The following IL23R variants were observed in gnomAD, a reference collection of about 807,000 sequenced individuals.
IL23R encodes the protein interleukin-23 receptor.
IL23R carries 34 observed loss-of-function variants against 56.9 expected under a neutral mutation model. The ratio of observed to expected loss-of-function variants is 0.60; its 90% CI spans 0.45 to 0.80. The LOEUF (loss-of-function observed/expected upper bound fraction) is 0.80. Among genes scored for constraint, IL23R ranks in the 30% least tolerant of loss-of-function variants. IL23R has a pLI of 0.00. For missense variants in IL23R, 635 were observed against 730.0 expected, an observed-to-expected ratio of 0.87 and a Z score of 1.50; for synonymous variants, 230 against 249.2, an observed-to-expected ratio of 0.92 and a Z score of 0.73.
At chr1:67,139,714 A>G (rs1415670934) in intron 1 of IL23R, among the ~76,000 whole-genome samples, 2 of 152,098 alleles carry the variant, frequency 1.3e-5, no homozygotes, top group Non-Finnish European at 2.9e-5. Flanking sequence ...CTTAATTTAT[A>G]TTTTTTAAAA....
intron 7 of IL23R, among the ~76,000 whole-genome samples, chr1:67,228,019 TTCCTTTCTTTCTTTTCTTTCTTTC>T (rs1650793031): frequency 1.3e-5 from 1 of 74,816 alleles, no homozygotes; most frequent in Non-Finnish European, 2.9e-5. Flanking sequence ...TCTTTCTTTC[TTCCTTTCTTTCTTTTCTTTCTTTC>T]TCTTTCTTTC....
Position 67,169,571 on chromosome 1 carries a change from C to T in IL23R, c.300C>T (p.Tyr100=), listed in dbSNP as rs1646916407. The T allele has an allele frequency of 1.2e-6, 2 of 1,614,002 alleles. No individual in the cohort carries two copies. Among genetic ancestry groups the T allele is most frequent in the Non-Finnish European group, 1.7e-6 (2 of 1,179,860 alleles). The part of the protein sequence containing the change: ...KNFLEPHASM[Y]CTAECPKHFQ... ...TTCTGGAACCACATGCTTCTATGTACTGCACTGCTGAATGTCCCAAACATT... is the reference window on the plus strand; with the variant it reads ...TTCTGGAACCACATGCTTCTATGTATTGCACTGCTGAATGTCCCAAACATT... Residue 100 remains tyrosine, a synonymous_variant, in exon 3 of 11, where the codon TAC becomes TAT. Transcript: ENST00000347310.
In IL23R at chr1:67,240,189, A is replaced by T; in HGVS notation, c.1056A>T (p.Gly352=). Residue 352 remains glycine (G), a synonymous_variant, in exon 9 of 11, where the codon GGA becomes GGT. Transcript: ENST00000347310. ...STGHLTSDNR[G]DIGLLLGMIV... is the part of the protein sequence containing the mutation. The stretch of plus-strand genomic sequence containing the variant: ...CTTTCCTTTCATTAGACAACAGAGG[A>T]GACATTGGACTTTTATTGGGAATGA... 2 of 1,604,556 alleles carry T rather than the reference A, an allele frequency of 1.2e-6. No individual in the cohort carries two copies. Among genetic ancestry groups the T allele is most frequent in the Non-Finnish European group, 1.7e-6 (2 of 1,171,460 alleles).
chr1:67,260,782 A>G (rs1344103749), downstream of IL23R, among the ~76,000 whole-genome samples: 2 of 152,184 alleles, frequency 1.3e-5, no homozygotes, highest in African/African-American at 4.8e-5. Flanking sequence ...CTATAGTCCT[A>G]GCTACTCAGG....
chr1:67,210,438 CT>C (rs989197756), intron 6 of IL23R, among the ~76,000 whole-genome samples: 5 of 150,424 alleles, frequency 3.3e-5, no homozygotes, highest in Admixed American at 1.3e-4. Context: ...AGTTTCTGGC[CT>C]TTTTTTTTCC....
chr1:67,202,492 C>T (rs1648709698), intron 5 of IL23R, among the ~76,000 whole-genome samples: 1 of 152,228 alleles, frequency 6.6e-6, no homozygotes. Flanking sequence ...CCCACCTCAG[C>T]CTCCCAAAGT....
At chr1:67,150,988 T>C (rs1039291137) in intron 1 of IL23R, among the ~76,000 whole-genome samples, 5 of 152,212 alleles carry the variant, frequency 3.3e-5, no homozygotes, top group Non-Finnish European at 5.9e-5. Flanking sequence ...AGATGCTGGG[T>C]CAAATGGTAT....
rs551183354 is a variant in IL23R, at chr1:67,152,871, C to T, written c.-634+13710C>T. On this transcript the variant is annotated intron_variant, in intron 1 of 10. Transcript: ENST00000637002. ...TTGCCAGTATTTAATTGAGGATTTT[C>T]GCATTGATGTTCATTAGGGATATTG... Among the ~76,000 whole-genome samples, 6 of 152,176 alleles carry T rather than the reference C, an allele frequency of 3.9e-5. No homozygotes were observed. In the South Asian group the frequency reaches 8.3e-4, roughly 21 times the overall value.
intron 1 of IL23R, among the ~76,000 whole-genome samples, chr1:67,150,248 CTTTTT>C (rs552806817): frequency 5.4e-5 from 6 of 110,260 alleles, no homozygotes; most frequent in Admixed American, 2.0e-4. Context: ...GCATTTCGAA[CTTTTT>C]TTTTTTTTTT....
At chr1:67,186,048 C>T (rs904017647) in intron 4 of IL23R, among the ~76,000 whole-genome samples, 2 of 152,194 alleles carry the variant, frequency 1.3e-5, no homozygotes, top group Non-Finnish European at 2.9e-5. Context: ...ATTTCTCTGG[C>T]TACACCACTG....
At chr1:67,213,317 G>C (rs1649623172) in intron 6 of IL23R, among the ~76,000 whole-genome samples, 1 of 152,182 alleles carries the variant, frequency 6.6e-6, no homozygotes, top group African/African-American at 2.4e-5. Flanking sequence ...TAGTGTAATT[G>C]TTCACTAAAT....
intron 6 of IL23R, among the ~76,000 whole-genome samples, chr1:67,208,274 G>C (rs541973732): frequency 8.0e-5 from 12 of 149,778 alleles, no homozygotes; most frequent in African/African-American, 2.8e-4. Flanking sequence ...AACCCATTCT[G>C]GGGGGGAGAA....
chr1:67,213,080 G>A (rs1649604651), intron 6 of IL23R, among the ~76,000 whole-genome samples: 1 of 151,772 alleles, frequency 6.6e-6, no homozygotes, highest in Non-Finnish European at 1.5e-5. Context: ...CACCACGTTG[G>A]CCAGGCTGAT....
intron 4 of IL23R, among the ~76,000 whole-genome samples, chr1:67,193,815 A>C (rs886535591): frequency 6.6e-6 from 1 of 152,136 alleles, no homozygotes; most frequent in Admixed American, 6.5e-5. Flanking sequence ...ATTTAATTCA[A>C]TTCTGACTCT....
chr1:67,150,248 CTTTTTTT>C lies in IL23R; in HGVS notation c.-634+11104_-634+11110del, dbSNP rs552806817. ...TTATCTAGATAACAGGCATTTCGAA[CTTTTTTT>C]TTTTTTTTTTTTTTTTACTTTAAGT... On this transcript the variant is annotated intron_variant, in intron 1 of 10. Transcript: ENST00000637002. Among the ~76,000 whole-genome samples, 5 of 110,266 alleles carry C rather than the reference CTTTTTTT, an allele frequency of 4.5e-5. No homozygotes were observed. The East Asian group carries it at 8.5e-4, about 19-fold the overall frequency. The allele number at this position is 110,266 out of a possible 152,430, so 72.3% of individuals were successfully genotyped here.
At chr1:67,265,052 C>T in the IL23R span, among the ~76,000 whole-genome samples, 2 of 152,058 alleles carry the variant, frequency 1.3e-5, no homozygotes, top group Admixed American at 6.6e-5. Context: ...TAAAGGCATA[C>T]CTAAAATTAG....
chr1:67,175,925 A>C (rs1382837877), intron 3 of IL23R, among the ~76,000 whole-genome samples: 10 of 152,174 alleles, frequency 6.6e-5, no homozygotes, highest in Admixed American at 6.6e-4. Context: ...CCTAGGCTCC[A>C]GGAATCCTTC....
chr1:67,187,352 C>G (rs1480997114), intron 4 of IL23R, among the ~76,000 whole-genome samples: 1 of 152,186 alleles, frequency 6.6e-6, no homozygotes, highest in Admixed American at 6.5e-5. Flanking sequence ...AAATTCCAGA[C>G]AGATGAACCA....
At chr1:67,168,069 C>A in intron 1 of IL23R, 23 bp from the exon 2 acceptor site, 1 of 1,273,078 alleles carries the variant, frequency 7.9e-7, no homozygotes, top group Non-Finnish European at 1.1e-6. Context: ...ACAATTTAAA[C>A]ATTTTTCATA....
Sources: allele counts gnomAD v4.1 joint callset (sites outside exome capture counted in the v4.1 genomes callset), GRCh38; gene constraint gnomAD v4.1.1; transcripts MANE v1.5; gene names NCBI Gene and HGNC (gene_info 2026-07-23, HGNC 2026-07-21).